CSMD1: variants seen among roughly 807,000 people sequenced by gnomAD.
The protein encoded by CSMD1 is CUB and sushi domain-containing protein 1.
In CSMD1, 213 loss-of-function variants were observed where a neutral mutation model predicts 417.5. The observed-to-expected ratio is 0.51, with a 90% CI of 0.46 to 0.57. The LOEUF (loss-of-function observed/expected upper bound fraction) is 0.57. Among genes scored for constraint, CSMD1 ranks in the 20% least tolerant of loss-of-function variants. CSMD1 has a pLI of 0.00. For missense variants in CSMD1, 6,923 were observed against 4,529.7 expected (o/e 1.53, Z -15.17); for synonymous variants, 2,862 against 1,736.8 (o/e 1.65, Z -16.11).
Position 4,466,578 on chromosome 8 carries a change from G to C in CSMD1, c.303-46513C>G, listed in dbSNP as rs78175304. 1.3e-3 allele frequency among the ~76,000 whole-genome samples: 197 copies of C among 152,292 alleles called. 5 individuals are homozygous for C. The East Asian group carries it at 0.034, about 26-fold the overall frequency. On this transcript the variant is annotated intron_variant, in intron 2 of 69. Transcript: ENST00000635120. ...AAATGGGCAAACAAATGCCAACAGT[G>C]TCACAAAGTTTAGTTATTCTAAGAG...
intron 12 of CSMD1, among the ~76,000 whole-genome samples, chr8:3,443,035 A>T (rs186850075): frequency 6.6e-6 from 1 of 152,356 alleles, no homozygotes; most frequent in East Asian, 1.9e-4. Context: ...AATGATAATT[A>T]CAATGAATAT....
At chr8:3,610,489 G>C (rs1010706782) in intron 8 of CSMD1, among the ~76,000 whole-genome samples, 2 of 35,626 alleles carry the variant, frequency 5.6e-5, no homozygotes, top group Non-Finnish European at 8.6e-5. Flanking sequence ...ACTCCAGGCT[G>C]AGTGACAAGT....
At chr8:4,336,601 C>T (rs919786419) in intron 3 of CSMD1, among the ~76,000 whole-genome samples, 4 of 152,144 alleles carry the variant, frequency 2.6e-5, no homozygotes, top group Non-Finnish European at 5.9e-5. Flanking sequence ...TTTACACACA[C>T]AAAGTGCATT....
chr8:4,152,778 G>A (rs910501909), intron 3 of CSMD1, among the ~76,000 whole-genome samples: 2 of 152,170 alleles, frequency 1.3e-5, no homozygotes, highest in East Asian at 1.9e-4. Context: ...AAATATATAT[G>A]CATGCATTTT....
At chr8:4,468,320 G>C (rs1461350205) in intron 2 of CSMD1, among the ~76,000 whole-genome samples, 2 of 146,912 alleles carry the variant, frequency 1.4e-5, no homozygotes, top group East Asian at 3.9e-4. Flanking sequence ...TATTGACTGG[G>C]CGATAGGCCT....
At chr8:3,632,075 G>A (rs1264769879) in intron 7 of CSMD1, among the ~76,000 whole-genome samples, 1 of 152,104 alleles carries the variant, frequency 6.6e-6, no homozygotes, top group Non-Finnish European at 1.5e-5. Flanking sequence ...TTTCTCTTCA[G>A]ATTTTGTTAT....
At chr8:3,801,122 T>C (rs1332520531) in intron 5 of CSMD1, among the ~76,000 whole-genome samples, 2 of 152,016 alleles carry the variant, frequency 1.3e-5, no homozygotes, top group African/African-American at 4.8e-5. Context: ...GGTTAAATTT[T>C]ACCGACATTA....
At chr8:3,886,503 C>T (rs1033306046) in intron 5 of CSMD1, among the ~76,000 whole-genome samples, 1 of 152,146 alleles carries the variant, frequency 6.6e-6, no homozygotes, top group Non-Finnish European at 1.5e-5. Context: ...GTCACACTAC[C>T]CAGCAGTGCT....
In CSMD1 at chr8:3,757,340, G is replaced by A. The variant is rs570755543; in HGVS notation, c.819-3298C>T. ...TGTTGGAAATTGTTCAACTTTGCAG[G>A]TGTAGTTGGCAAGTAGCCATAAAAT... On this transcript the variant is annotated intron_variant, in intron 5 of 69. Transcript: ENST00000635120. 1.2e-4 allele frequency among the ~76,000 whole-genome samples: 19 copies of A among 152,306 alleles called. No individual in the cohort carries two copies. In the South Asian group the frequency reaches 3.7e-3, roughly 30 times the overall value.
In CSMD1 at chr8:3,425,095, A is replaced by T. The variant is rs270068; in HGVS notation, c.1562-15490T>A. 1.2e-4 allele frequency among the ~76,000 whole-genome samples: 18 copies of T among 152,304 alleles called. No individual in the cohort carries two copies. The South Asian group carries it at 3.5e-3, about 30-fold the overall frequency. ...GCTCAAGCAATCCTCCTGTCCCAGC[A>T]TCCCAAAGCGCCACCATGCTTGTCC... On this transcript the variant is annotated intron_variant, in intron 12 of 69. Transcript: ENST00000635120.
intron 3 of CSMD1, among the ~76,000 whole-genome samples, chr8:4,257,411 T>C (rs1342280399): frequency 2.0e-5 from 3 of 149,684 alleles, no homozygotes; most frequent in Admixed American, 2.0e-4. Flanking sequence ...TGTATAATCA[T>C]GGATTTGCAC....
At chr8:3,370,229 T>G (rs756639390) in intron 18 of CSMD1, among the ~76,000 whole-genome samples, 15 of 152,218 alleles carry the variant, frequency 9.9e-5, no homozygotes, top group Non-Finnish European at 1.6e-4. Context: ...CTTTCTTCTT[T>G]TATTTCATAT....
chr8:4,117,838 C>A (rs901591467), intron 3 of CSMD1, among the ~76,000 whole-genome samples: 6 of 151,706 alleles, frequency 4.0e-5, no homozygotes, highest in South Asian at 2.1e-4. Flanking sequence ...ATCTCACTTT[C>A]CAAACAAAAG....
intron 1 of CSMD1, among the ~76,000 whole-genome samples, chr8:4,752,531 C>G (rs1811399143): frequency 2.6e-5 from 4 of 152,042 alleles, no homozygotes; most frequent in Admixed American, 2.6e-4. Flanking sequence ...CTTTGAAACT[C>G]AAAGTTAAAA....
At chr8:3,407,573 G>A (rs948564754) in intron 14 of CSMD1, among the ~76,000 whole-genome samples, 1 of 151,618 alleles carries the variant, frequency 6.6e-6, no homozygotes, top group Non-Finnish European at 1.5e-5. Flanking sequence ...ATGGTTTGGT[G>A]GGTGCATGGA....
Position 3,697,469 on chromosome 8 carries a change from G to C in CSMD1, c.1009+10945C>G, listed in dbSNP as rs1014055101. On this transcript the variant is annotated intron_variant, in intron 7 of 69. Coordinates refer to ENST00000635120, the MANE Select transcript of CSMD1 (RefSeq NM_033225.6). Reference sequence around the variant, plus strand: ...ATTAATTATCTTGCTGACTTAGTTTGCTTGTGTATAAAATGGAATTCTTTA... The same window carrying C: ...ATTAATTATCTTGCTGACTTAGTTTCCTTGTGTATAAAATGGAATTCTTTA... Among the ~76,000 whole-genome samples, 5 of 152,152 alleles carry C rather than the reference G, an allele frequency of 3.3e-5. 1 individual carries two copies. The highest frequency in any genetic ancestry group is 2.0e-4 in the Admixed American group (3 of 15,266).
rs549927274 is a variant in CSMD1 at position 4,933,166 on chromosome 8, T to C, written c.85+61166A>G. Among the ~76,000 whole-genome samples the C allele has an allele frequency of 7.2e-5, 11 of 152,294 alleles. No individual in the cohort carries two copies. The South Asian group carries it at 2.1e-3, about 29-fold the overall frequency. Reference sequence around the variant, plus strand: ...GTTTTTCTTTTTTACTTTTTTTTCTTTCTTCCCCTTCCTTTCTTCCTTGCT... The same window carrying C: ...GTTTTTCTTTTTTACTTTTTTTTCTCTCTTCCCCTTCCTTTCTTCCTTGCT... On this transcript the variant is annotated intron_variant, in intron 1 of 69. Coordinates refer to ENST00000635120, the MANE Select transcript of CSMD1 (RefSeq NM_033225.6).
chr8:4,728,779 G>C (rs1047537990), intron 1 of CSMD1, among the ~76,000 whole-genome samples: 1 of 151,974 alleles, frequency 6.6e-6, no homozygotes, highest in Non-Finnish European at 1.5e-5. Flanking sequence ...ATAACCAGAT[G>C]TCTGCTGCCA....
At chr8:4,400,052 T>G (rs1331737360) in intron 3 of CSMD1, among the ~76,000 whole-genome samples, 1 of 152,164 alleles carries the variant, frequency 6.6e-6, no homozygotes, top group Non-Finnish European at 1.5e-5. Flanking sequence ...AATTAACTTA[T>G]GGACAGTATC....
Sources: gnomAD v4.1 joint callset for allele counts (sites outside exome capture counted in the v4.1 genomes callset) on GRCh38, gnomAD v4.1.1 for gene constraint, MANE v1.5 for transcripts, NCBI Gene and HGNC (gene_info 2026-07-23, HGNC 2026-07-21) for gene names.